The following P3H2 variants were observed in gnomAD, a reference collection of about 807,000 sequenced individuals.
P3H2 encodes the protein leprecan-like 1.
In P3H2, 80 loss-of-function variants were observed where a neutral mutation model predicts 87.0. The observed-to-expected ratio is 0.92, with a 90% CI of 0.77 to 1.11. The LOEUF is 1.11. Among genes scored for constraint, P3H2 ranks in the 50% least tolerant of loss-of-function variants. The pLI is 0.00. For missense variants in P3H2, 1,001 were observed against 923.9 expected, an observed-to-expected ratio of 1.08 and a Z score of -1.08; for synonymous variants, 367 against 359.3, an observed-to-expected ratio of 1.02 and a Z score of -0.24.
intron 1 of P3H2, among the ~76,000 whole-genome samples, chr3:190,029,101 A>G: frequency 6.6e-6 from 1 of 152,184 alleles, no homozygotes; most frequent in Non-Finnish European, 1.5e-5. Context: ...GAGGTTCTTA[A>G]GACAATATTT....
intron 1 of P3H2, among the ~76,000 whole-genome samples, chr3:190,106,026 A>G (rs1711819043): frequency 1.3e-5 from 2 of 152,218 alleles, no homozygotes; most frequent in Non-Finnish European, 2.9e-5. Context: ...GTCATCTCCC[A>G]TGGGTACAAG....
At chr3:189,961,086 A>G (rs1577240026) in intron 14 of P3H2, among the ~76,000 whole-genome samples, 2 of 152,218 alleles carry the variant, frequency 1.3e-5, no homozygotes, top group East Asian at 1.9e-4. Flanking sequence ...GATTACAGGC[A>G]TATGCCACCA....
At chr3:190,012,537 TGA>T (rs1724627275) in intron 1 of P3H2, among the ~76,000 whole-genome samples, 1 of 152,230 alleles carries the variant, frequency 6.6e-6, no homozygotes, top group East Asian at 1.9e-4. Context: ...ACGGTCCTGA[TGA>T]ATTTTGTCTC....
chr3:190,110,365 T>C (rs959501516), intron 1 of P3H2, among the ~76,000 whole-genome samples: 8 of 152,138 alleles, frequency 5.3e-5, no homozygotes, highest in African/African-American at 1.9e-4. Context: ...AAAGAATTAT[T>C]CATCCCAGAA....
Position 189,972,864 on chromosome 3 carries a change from GCAA to G in P3H2, c.1699+7_1699+9del. On this transcript the variant is annotated splice_region_variant and intron_variant, in intron 11 of 14. Transcript: ENST00000319332. ...GGGTAAAAGGGAACCATTTCAGACT[GCAA>G]TCTCACCAGACAGGGCTGTTCGGCA... 1 of 1,613,892 alleles carries G rather than the reference GCAA, an allele frequency of 6.2e-7. No individual in the cohort carries two copies.
Position 190,009,666 on chromosome 3 carries a change from G to C in P3H2, c.481-14224C>G, listed in dbSNP as rs530874212. ...TAAGCCAGAGAGAAATTTTAGCCAA[G>C]TCATTAAAATGAATATAGCCTTCCA... is the stretch of plus-strand genomic sequence containing the variant. On this transcript the variant is annotated intron_variant, in intron 1 of 14. Coordinates refer to ENST00000319332, the MANE Select transcript of P3H2 (RefSeq NM_018192.4). Among the ~76,000 whole-genome samples the C allele has an allele frequency of 3.2e-4, 49 of 152,228 alleles. 1 individual carries two copies. The highest frequency in any genetic ancestry group is 2.0e-3 in the Admixed American group (31 of 15,298).
chr3:190,044,925 C>T (rs1383596247), intron 1 of P3H2, among the ~76,000 whole-genome samples: 1 of 152,182 alleles, frequency 6.6e-6, no homozygotes, highest in Non-Finnish European at 1.5e-5. Flanking sequence ...ATAGATACAA[C>T]TTCTCACTAA....
intron 8 of P3H2, 131 bp downstream of exon 8, chr3:189,982,915 G>T (rs1346220191): frequency 2.8e-6 from 2 of 725,360 alleles, no homozygotes; most frequent in Non-Finnish European, 5.0e-6. Context: ...AGACTATTAG[G>T]GAGTGTAGTA....
chr3:190,104,183 C>T (rs1158159619), intron 1 of P3H2, among the ~76,000 whole-genome samples: 1 of 152,172 alleles, frequency 6.6e-6, no homozygotes, highest in East Asian at 1.9e-4. Context: ...TCATCATCAT[C>T]ATTCAAAGAT....
chr3:189,971,614 A>G (rs1299087154), intron 12 of P3H2: 1 of 406,764 alleles, frequency 2.5e-6, no homozygotes, highest in East Asian at 5.7e-5. Context: ...TTCCAGGGAG[A>G]ACAGGAATTT....
chr3:189,977,169 C>A lies in P3H2; in HGVS notation c.1325-2484G>T, dbSNP rs181540326. On this transcript the variant is annotated intron_variant, in intron 8 of 14. Transcript: ENST00000319332. ...TTCATACAGCTGTGCAATTTGCTTC[C>A]CACAAGTGCGAGTGGAACCTGGAAC... Among the ~76,000 whole-genome samples the A allele has an allele frequency of 2.5e-3, 387 of 152,260 alleles. 2 individuals are homozygous for A. Among genetic ancestry groups the A allele is most frequent in the South Asian group, 0.021 (100 of 4,810 alleles).
chr3:190,039,020 T>C (rs1725514382), intron 1 of P3H2, among the ~76,000 whole-genome samples: 1 of 151,994 alleles, frequency 6.6e-6, no homozygotes, highest in Non-Finnish European at 1.5e-5. Flanking sequence ...AGAAACCCTG[T>C]CTCTACTAAA....
intron 1 of P3H2, among the ~76,000 whole-genome samples, chr3:190,115,173 C>A (rs1166204685): frequency 6.6e-6 from 1 of 152,034 alleles, no homozygotes; most frequent in Non-Finnish European, 1.5e-5. Flanking sequence ...TCCTTTTAAT[C>A]CTAATCAAAT....
At chr3:190,083,974 G>A (rs966810790) in intron 1 of P3H2, among the ~76,000 whole-genome samples, 1 of 152,106 alleles carries the variant, frequency 6.6e-6, no homozygotes, top group African/African-American at 2.4e-5. Flanking sequence ...AGTACCTAAT[G>A]TACTCCATTC....
At chr3:190,072,243 TC>T (rs1359913424) in intron 1 of P3H2, among the ~76,000 whole-genome samples, 1 of 152,190 alleles carries the variant, frequency 6.6e-6, no homozygotes, top group African/African-American at 2.4e-5. Flanking sequence ...GCCAGGCTGG[TC>T]TTGAACTCCT....
intron 14 of P3H2, 145 bp from the exon 15 acceptor site, chr3:189,958,149 C>T (rs556239728): frequency 1.4e-6 from 1 of 704,948 alleles, no homozygotes. Context: ...CTCTTCATCC[C>T]CAGACAGATG....
At chr3:190,036,565 T>C (rs1725432450) in intron 1 of P3H2, among the ~76,000 whole-genome samples, 1 of 152,140 alleles carries the variant, frequency 6.6e-6, no homozygotes, top group East Asian at 1.9e-4. Context: ...CATTGAGTCT[T>C]AAAGGAATTA....
intron 1 of P3H2, among the ~76,000 whole-genome samples, chr3:190,080,107 G>A (rs1395610309): frequency 2.6e-5 from 4 of 152,172 alleles, no homozygotes; most frequent in African/African-American, 7.2e-5. Context: ...GAAAGTAACC[G>A]TAGAATCTTG....
At chr3:189,966,098 GAAAGAAA>G (rs1722975831) in intron 13 of P3H2, among the ~76,000 whole-genome samples, 1 of 118,270 alleles carries the variant, frequency 8.5e-6, no homozygotes, top group South Asian at 2.6e-4. Context: ...AAGAAAGAAA[GAAAGAAA>G]AAAGAAAGAA....
Sources: gnomAD v4.1 joint callset for allele counts (sites outside exome capture counted in the v4.1 genomes callset) on GRCh38, gnomAD v4.1.1 for gene constraint, MANE v1.5 for transcripts, NCBI Gene and HGNC (gene_info 2026-07-23, HGNC 2026-07-21) for gene names.